Variants in UBAP2 observed in about 807,000 individuals in gnomAD.
UBAP2 encodes ubiquitin associated protein 2.
In UBAP2, 75 loss-of-function variants were observed where a neutral mutation model predicts 139.6. That is an observed-to-expected ratio of 0.54 (90% confidence interval 0.45 to 0.65). The LOEUF (loss-of-function observed/expected upper bound fraction) is 0.65, where lower values mean the gene tolerates loss of function less well. Ranked by LOEUF, UBAP2 falls within the 30% of genes least tolerant of loss-of-function variation. The pLI, the probability that UBAP2 is intolerant of heterozygous loss-of-function variation, is 0.00. For synonymous variants in UBAP2, 526 were observed against 526.2 expected (o/e 1.00, Z 0.01); for missense variants, 1,368 against 1,369.6 (o/e 1.00, Z 0.02).
chr9:33,964,955 T>C (rs1827335396), intron 8 of UBAP2, among the ~76,000 whole-genome samples: 1 of 152,154 alleles, frequency 6.6e-6, no homozygotes. Context: ...TTTTAATAGG[T>C]GAATGGGGGT....
intron 1 of UBAP2, among the ~76,000 whole-genome samples, chr9:34,035,510 A>ATATATATATATATATATATAT (rs1554692760): frequency 5.2e-4 from 2 of 3,822 alleles, no homozygotes; most frequent in African/African-American, 8.8e-4. Context: ...TAAAAAAAAA[A>ATATATATATATATATATATAT]AAAAATATAT....
At position 33,999,907 on chromosome 9, in the gene UBAP2, T is replaced by TATGTATGTATG. The variant is rs56853849; in HGVS notation, c.100-1044_100-1043insCATACATACAT. 6.8e-3 allele frequency among the ~76,000 whole-genome samples: 526 copies of TATGTATGTATG among 77,820 alleles called. 5 individuals are homozygous for TATGTATGTATG. The highest frequency in any genetic ancestry group is 9.6e-3 in the East Asian group (16 of 1,666). The allele number at this position is 77,820 out of a possible 152,430, so 51.1% of individuals were successfully genotyped here. On this transcript the variant is annotated intron_variant, in intron 2 of 28. Coordinates refer to ENST00000379238, the MANE Select transcript of UBAP2 (RefSeq NM_001370062.2). The stretch of plus-strand genomic sequence containing the variant: ...GTATGTATGTATGTATGTATGTATG[T>TATGTATGTATG]TATTTTGAGATGGAGTCACACTCTG...
intron 6 of UBAP2, among the ~76,000 whole-genome samples, chr9:33,984,023 C>T (rs1260804850): frequency 3.3e-5 from 5 of 152,148 alleles, no homozygotes; most frequent in East Asian, 3.9e-4. Context: ...CGTGCCTCAG[C>T]GTCCCGAGTA....
Position 33,998,775 on chromosome 9 carries a change from C to T in UBAP2, c.177+12G>A, listed in dbSNP as rs1029998263. ...ATTATAAAAATGATGATATCCTTTG[C>T]CAGAAACATACCTGCTTAACTTTAG... On this transcript the variant is annotated intron_variant, in intron 3 of 28. Coordinates refer to ENST00000379238, the MANE Select transcript of UBAP2 (RefSeq NM_001370062.2). 1 of 1,605,066 alleles carries T rather than the reference C, an allele frequency of 6.2e-7. No homozygotes were observed. Among genetic ancestry groups the T allele is most frequent in the Admixed American group, 1.7e-5 (1 of 58,994 alleles).
chr9:34,016,745 G>T (rs1299653700), intron 2 of UBAP2, among the ~76,000 whole-genome samples: 1 of 151,060 alleles, frequency 6.6e-6, no homozygotes, highest in Non-Finnish European at 1.5e-5. Flanking sequence ...CTTAATAGAG[G>T]CAGGGTTTCA....
chr9:33,974,176 C>G (rs534294123), intron 6 of UBAP2, among the ~76,000 whole-genome samples: 2 of 152,232 alleles, frequency 1.3e-5, no homozygotes, highest in East Asian at 3.9e-4. Context: ...GGTGACATAG[C>G]AAGACTCTGT....
At chr9:34,033,956 G>A (rs1826108993) in intron 1 of UBAP2, among the ~76,000 whole-genome samples, 1 of 151,902 alleles carries the variant, frequency 6.6e-6, no homozygotes, top group Non-Finnish European at 1.5e-5. Context: ...AGCTGTTCTT[G>A]AACTCCTGAC....
intron 5 of UBAP2, among the ~76,000 whole-genome samples, chr9:33,987,835 A>G (rs1470128073): frequency 6.6e-6 from 1 of 152,252 alleles, no homozygotes; most frequent in Non-Finnish European, 1.5e-5. Context: ...CAAAATAGCA[A>G]TACCAAGGAA....
intron 18 of UBAP2, 116 bp downstream of exon 18, chr9:33,933,374 C>T (rs1396838089): frequency 4.0e-6 from 5 of 1,238,602 alleles, no homozygotes; most frequent in Admixed American, 2.5e-5. Context: ...ATGCAAAAGC[C>T]CAGGACATCA....
intron 1 of UBAP2, among the ~76,000 whole-genome samples, chr9:34,025,850 G>A (rs1031055893): frequency 1.3e-5 from 2 of 152,012 alleles, no homozygotes; most frequent in Non-Finnish European, 2.9e-5. Context: ...AAAGAACTAG[G>A]ATTACAGGCC....
intron 17 of UBAP2, among the ~76,000 whole-genome samples, chr9:33,934,587 TC>T (rs903483958): frequency 1.4e-4 from 22 of 152,078 alleles, no homozygotes; most frequent in Non-Finnish European, 2.5e-4. Flanking sequence ...CAGATACACC[TC>T]ACCTAAAACT....
chr9:33,992,338 G>C (rs1018538084), intron 4 of UBAP2, among the ~76,000 whole-genome samples: 6 of 136,510 alleles, frequency 4.4e-5, no homozygotes, highest in Non-Finnish European at 9.1e-5. Context: ...GTGGTGAGCC[G>C]AGATCACGCC....
chr9:33,991,270 C>T (rs1821687883), intron 4 of UBAP2, among the ~76,000 whole-genome samples: 1 of 151,576 alleles, frequency 6.6e-6, no homozygotes, highest in Non-Finnish European at 1.5e-5. Flanking sequence ...CACTGCACTC[C>T]AGCCTGGGTG....
Position 34,013,346 on chromosome 9 carries a change from T to G in UBAP2, c.99+3704A>C, listed in dbSNP as rs183602015. Among the ~76,000 whole-genome samples the G allele has an allele frequency of 6.5e-3, 980 of 151,670 alleles. 1 individual carries two copies. The highest frequency in any genetic ancestry group is 0.01 in the Non-Finnish European group (708 of 67,910). On this transcript the variant is annotated intron_variant, in intron 2 of 28. Coordinates refer to ENST00000379238, the MANE Select transcript of UBAP2 (RefSeq NM_001370062.2). ...GGGTGGATCACCTGAAGTCAGGAAT[T>G]CAAGACCAGCCTGACCAACATGGTG...
intron 1 of UBAP2, among the ~76,000 whole-genome samples, chr9:34,029,825 T>C (rs185535892): frequency 1.5e-3 from 215 of 147,256 alleles, no homozygotes; most frequent in African/African-American, 5.1e-3. Flanking sequence ...CCATCTCTAC[T>C]AAAAATACAA....
In UBAP2 at chr9:33,989,140, C is replaced by T. The variant is rs749673351; in HGVS notation, c.289-14G>A. The T allele has an allele frequency of 1.2e-5, 19 of 1,591,284 alleles. No homozygotes were observed. The highest frequency in any genetic ancestry group is 4.6e-5 in the South Asian group (4 of 86,594). On this transcript the variant is annotated splice_polypyrimidine_tract_variant and intron_variant, in intron 4 of 28. Transcript: ENST00000379238. Reference sequence around the variant, plus strand: ...CTCCCATGAAGTCTATCAGAGAGAACGGCTGTTAATCATTTATCATTCAAA... The same window carrying T: ...CTCCCATGAAGTCTATCAGAGAGAATGGCTGTTAATCATTTATCATTCAAA...
At chr9:33,947,240 C>T (rs1301049844) in intron 13 of UBAP2, among the ~76,000 whole-genome samples, 3 of 152,146 alleles carry the variant, frequency 2.0e-5, no homozygotes, top group East Asian at 1.9e-4. Context: ...TTTCACAGAA[C>T]AGAGGAATAT....
At position 33,922,656 on chromosome 9, in the gene UBAP2, G is replaced by A. The variant is rs376968021; in HGVS notation, c.3264+31C>T. On this transcript the variant is annotated intron_variant, in intron 28 of 28. Transcript: ENST00000379238. ...GCTGGAGCAGAACCCCTGGCCCAGA[G>A]TAGGGTGGCTGCCTCCATCACTGTA... 23 of 1,583,454 alleles carry A rather than the reference G, an allele frequency of 1.5e-5. No individual in the cohort carries two copies. The African/African-American group carries it at 3.1e-4, about 21-fold the overall frequency.
chr9:33,927,896 G>A lies in UBAP2; in HGVS notation c.2272C>T (p.Leu758=), dbSNP rs559849983. ...TTCGCGGTGTTCATGCTACTGGACA[G>A]GCTGGCGCCTGAGGATGCGGAACTT... ...VSSSASSGAS[L]SSSMNTANSL... Residue 758 remains leucine, a synonymous_variant, in exon 20 of 29, where the codon CTG becomes TTG. Coordinates refer to ENST00000379238, the MANE Select transcript of UBAP2 (RefSeq NM_001370062.2). 76 of 1,614,258 alleles carry A rather than the reference G, an allele frequency of 4.7e-5. No individual in the cohort carries two copies. In the East Asian group the frequency reaches 1.6e-3, roughly 34 times the overall value.
Sources: allele counts gnomAD v4.1 joint callset (sites outside exome capture counted in the v4.1 genomes callset), GRCh38; gene constraint gnomAD v4.1.1; transcripts MANE v1.5; gene names NCBI Gene and HGNC (gene_info 2026-07-23, HGNC 2026-07-21).